PTK2: variants seen among roughly 807,000 people sequenced by gnomAD.
The protein encoded by PTK2 is focal adhesion kinase 1.
Under a neutral mutation model 150.1 loss-of-function variants are expected in PTK2, and 45 were observed. The ratio of observed to expected loss-of-function variants is 0.30; its 90% CI spans 0.24 to 0.38. PTK2 has a LOEUF of 0.38. Among genes scored for constraint, PTK2 ranks in the 10% least tolerant of loss-of-function variants. The pLI, the probability that PTK2 is intolerant of heterozygous loss-of-function variation, is 1.00. For missense variants in PTK2, 919 were observed against 1,307.3 expected, an observed-to-expected ratio of 0.70 and a Z score of 4.58; for synonymous variants, 432 against 449.2, an observed-to-expected ratio of 0.96 and a Z score of 0.48.
intron 2 of PTK2, among the ~76,000 whole-genome samples, chr8:140,902,771 T>A (rs1226520712): frequency 1.3e-5 from 2 of 152,174 alleles, no homozygotes; most frequent in Non-Finnish European, 2.9e-5. Context: ...GAGAAGTGTC[T>A]GTTCATATCC....
intron 8 of PTK2, among the ~76,000 whole-genome samples, chr8:140,824,431 G>A (rs546700253): frequency 6.6e-6 from 1 of 152,266 alleles, no homozygotes; most frequent in South Asian, 2.1e-4. Flanking sequence ...AAAGGAAAAC[G>A]ATATCATTCA....
intron 12 of PTK2, among the ~76,000 whole-genome samples, chr8:140,798,554 A>G (rs1422046392): frequency 6.6e-6 from 1 of 152,228 alleles, no homozygotes; most frequent in Non-Finnish European, 1.5e-5. Flanking sequence ...GTTTCTCCCT[A>G]GAGAGCAAAA....
At position 140,717,639 on chromosome 8, in the gene PTK2, CTG is replaced by C; in HGVS notation, c.2099_2100del (p.Thr700SerfsTer9). 1 of 1,614,112 alleles carries C rather than the reference CTG, an allele frequency of 6.2e-7. No individual in the cohort carries two copies. The highest frequency in any genetic ancestry group is 8.5e-7 in the Non-Finnish European group (1 of 1,179,974). ...TCAGACCCTCCGGAGTCCCAGGACA[CTG>C]TGGCCTGTCTTCTGGACTCCATCCT... is the stretch of plus-strand genomic sequence containing the variant. On this transcript the variant is annotated frameshift_variant, in exon 23 of 32. Coordinates refer to ENST00000522684, the Ensembl canonical transcript of PTK2. LOFTEE classifies it high-confidence loss of function.
exon 11 of PTK2, chr8:140,803,623 C>T: frequency 6.2e-7 from 1 of 1,613,954 alleles, no homozygotes; most frequent in African/African-American, 1.3e-5. Context: ...ATGGTTTGCA[C>T]TTGAGTGAAG....
chr8:140,998,708 A>T (rs1484524160), intron 1 of PTK2, among the ~76,000 whole-genome samples: 1 of 151,586 alleles, frequency 6.6e-6, no homozygotes, highest in East Asian at 1.9e-4. Context: ...AGTCCCAGCT[A>T]CTTGGGAGGC....
intron 14 of PTK2, among the ~76,000 whole-genome samples, chr8:140,786,713 T>C (rs2100085184): frequency 6.6e-6 from 1 of 152,046 alleles, no homozygotes; most frequent in African/African-American, 2.4e-5. Flanking sequence ...GGGGAATGAC[T>C]AAGGACAAAC....
At chr8:140,885,954 G>A (rs2100152101) in intron 3 of PTK2, among the ~76,000 whole-genome samples, 1 of 152,134 alleles carries the variant, frequency 6.6e-6, no homozygotes. Flanking sequence ...ACAGACTAAG[G>A]AGAGCAAGTA....
intron 29 of PTK2, among the ~76,000 whole-genome samples, chr8:140,673,886 A>G (rs2100012070): frequency 6.6e-6 from 1 of 152,146 alleles, no homozygotes; most frequent in South Asian, 2.1e-4. Flanking sequence ...GAAAATAAAT[A>G]AGTCTTCCAT....
exon 11 of PTK2, chr8:140,803,601 T>G: frequency 6.2e-7 from 1 of 1,614,126 alleles, no homozygotes; most frequent in Non-Finnish European, 8.5e-7. Flanking sequence ...GTCTTCACTG[T>G]TTGAATACTG....
intron 27 of PTK2, among the ~76,000 whole-genome samples, chr8:140,681,710 G>A (rs1288168650): frequency 3.3e-5 from 5 of 152,094 alleles, no homozygotes; most frequent in Non-Finnish European, 4.4e-5. Context: ...CCGGGAGGTG[G>A]AGCTTGCCGT....
At chr8:140,850,935 T>C (rs1313767182) in intron 5 of PTK2, among the ~76,000 whole-genome samples, 1 of 152,226 alleles carries the variant, frequency 6.6e-6, no homozygotes, top group Non-Finnish European at 1.5e-5. Flanking sequence ...AACTCAATGA[T>C]TTGGCTACCA....
intron 5 of PTK2, among the ~76,000 whole-genome samples, chr8:140,861,460 G>C (rs1404946327): frequency 6.6e-6 from 1 of 152,186 alleles, no homozygotes; most frequent in Non-Finnish European, 1.5e-5. Flanking sequence ...TGACAGCAAA[G>C]AGTGGGGTGG....
intron 1 of PTK2, among the ~76,000 whole-genome samples, chr8:140,961,519 G>A (rs1033132650): frequency 1.3e-4 from 20 of 151,748 alleles, no homozygotes; most frequent in East Asian, 5.8e-4. Context: ...AAAATTAGCC[G>A]GGCGTGGTGG....
At chr8:140,930,691 GTTTC>G (rs2100171379) in intron 1 of PTK2, among the ~76,000 whole-genome samples, 1 of 152,064 alleles carries the variant, frequency 6.6e-6, no homozygotes, top group Non-Finnish European at 1.5e-5. Context: ...ACTGGATATT[GTTTC>G]TTTAAAATAT....
At chr8:140,716,294 T>C (rs1050531331) in intron 23 of PTK2, among the ~76,000 whole-genome samples, 1 of 152,170 alleles carries the variant, frequency 6.6e-6, no homozygotes, top group Non-Finnish European at 1.5e-5. Flanking sequence ...AGTAAACAAA[T>C]TTAAAAATAG....
intron 1 of PTK2, among the ~76,000 whole-genome samples, chr8:140,952,402 C>A (rs2100179820): frequency 6.6e-6 from 1 of 152,124 alleles, no homozygotes; most frequent in Non-Finnish European, 1.5e-5. Context: ...AGAATAGGCT[C>A]CTCTCCCTTA....
At chr8:140,942,117 G>A (rs150080918) in intron 1 of PTK2, among the ~76,000 whole-genome samples, 2,967 of 152,040 alleles carry the variant, frequency 0.02, 100 homozygotes, top group African/African-American at 0.066. Flanking sequence ...GGGCTCAAGC[G>A]ATCCTCCCAC....
chr8:140,751,866 G>A, intron 17 of PTK2: 1 of 519,014 alleles, frequency 1.9e-6, no homozygotes, highest in Non-Finnish European at 3.8e-6. Context: ...TAGTCTATGA[G>A]CTCCATCAGG....
exon 12 of PTK2, chr8:140,800,551 A>T: frequency 1.2e-6 from 2 of 1,613,836 alleles, no homozygotes; most frequent in Non-Finnish European, 1.7e-6. Flanking sequence ...CGCAATGGTT[A>T]GGGATGGTGC....
Sources: allele counts gnomAD v4.1 joint callset (sites outside exome capture counted in the v4.1 genomes callset), GRCh38; gene constraint gnomAD v4.1.1; transcripts MANE v1.5; gene names NCBI Gene and HGNC (gene_info 2026-07-23, HGNC 2026-07-21).